Variants in RAB27B observed in about 807,000 individuals in gnomAD.
The protein encoded by RAB27B is RAB27B, member RAS oncogene family, also known as ras-related protein Rab-27B.
RAB27B carries 15 observed loss-of-function variants against 24.6 expected under a neutral mutation model. The ratio of observed to expected loss-of-function variants is 0.61; its 90% CI spans 0.41 to 0.94. The LOEUF (loss-of-function observed/expected upper bound fraction) is 0.94. RAB27B is among the 40% of genes least tolerant of loss of function. RAB27B has a pLI of 0.00. For synonymous variants in RAB27B, 105 were observed against 92.5 expected, an observed-to-expected ratio of 1.14 and a Z score of -0.78; for missense variants, 261 against 266.8, an observed-to-expected ratio of 0.98 and a Z score of 0.15.
chr18:54,800,713 C>G (rs769484548), intron 2 of RAB27B, among the ~76,000 whole-genome samples: 1 of 152,150 alleles, frequency 6.6e-6, no homozygotes, highest in Non-Finnish European at 1.5e-5. Flanking sequence ...AGCCCCAACT[C>G]TAATCTCACC....
At chr18:54,741,830 C>G (rs1240307462) in intron 2 of RAB27B, among the ~76,000 whole-genome samples, 1 of 152,094 alleles carries the variant, frequency 6.6e-6, no homozygotes, top group Non-Finnish European at 1.5e-5. Context: ...AAAAAGTGAC[C>G]TACCTCCTGG....
At chr18:54,720,920 T>C (rs1416276103) in intron 2 of RAB27B, among the ~76,000 whole-genome samples, 1 of 152,140 alleles carries the variant, frequency 6.6e-6, no homozygotes, top group Non-Finnish European at 1.5e-5. Context: ...TTTCCCATTA[T>C]GATTTCCCCT....
intron 2 of RAB27B, among the ~76,000 whole-genome samples, chr18:54,796,577 CTCTT>C (rs1208031687): frequency 6.6e-6 from 1 of 152,198 alleles, no homozygotes; most frequent in African/African-American, 2.4e-5. Context: ...TCCCCCCTCT[CTCTT>C]ACTCTGCTGT....
rs1265574999 is a variant in RAB27B, at chr18:54,888,082, A to G, written c.431A>G (p.Asn144Ser). 6.2e-7 allele frequency: 1 copy of G among 1,613,140 alleles called. No homozygotes were observed. Among genetic ancestry groups the G allele is most frequent in the South Asian group, 1.1e-5 (1 of 90,926 alleles). ...GACCTACCAGATCAGAGGGAAGTCA[A>G]TGAACGGCAAGCTCGGGAACTGGCT... ...KADLPDQREV[N>S]ERQARELADK... Residue 144 changes from asparagine to serine, a missense_variant, in exon 5 of 6, where the codon AAT (asparagine) becomes AGT (serine). By Grantham distance (46) the Asn-to-Ser change is conservative. Transcript: ENST00000262094.
intron 1 of RAB27B, among the ~76,000 whole-genome samples, chr18:54,876,582 A>G (rs1229072162): frequency 1.3e-5 from 2 of 151,904 alleles, no homozygotes; most frequent in Admixed American, 6.6e-5. Context: ...ATTTTGCTCA[A>G]CTCAGGAGTG....
chr18:54,818,166 G>C (rs1910179552), intron 2 of RAB27B, among the ~76,000 whole-genome samples: 1 of 152,040 alleles, frequency 6.6e-6, no homozygotes, highest in Admixed American at 6.6e-5. Flanking sequence ...CAATCCTTTG[G>C]GAAATTTTAG....
intron 2 of RAB27B, chr18:54,745,031 A>G (rs750735115): frequency 1.7e-5 from 3 of 178,896 alleles, no homozygotes; most frequent in African/African-American, 4.8e-5. Context: ...CTACCACTTG[A>G]GTCACTCCTA....
chr18:54,806,299 T>C (rs1037957380), intron 2 of RAB27B, among the ~76,000 whole-genome samples: 1 of 152,036 alleles, frequency 6.6e-6, no homozygotes, highest in African/African-American at 2.4e-5. Context: ...CTTAGGGAGA[T>C]GCAGCCTGGT....
In RAB27B at chr18:54,848,041, TG is replaced by T. The variant is rs373817367; in HGVS notation, c.-20+19343del. On this transcript the variant is annotated intron_variant, in intron 1 of 5. Transcript: ENST00000262094. ...AACGGAAGTGAGGTACAGAAACAAC[TG>T]GATTGGTTACAAGCTCTGTGTTTGC... 1.4e-3 allele frequency among the ~76,000 whole-genome samples: 206 copies of T among 152,276 alleles called. 5 individuals carry two copies. The South Asian group carries it at 0.036, about 27-fold the overall frequency.
At chr18:54,807,190 C>T (rs550662025) in intron 2 of RAB27B, among the ~76,000 whole-genome samples, 12 of 152,300 alleles carry the variant, frequency 7.9e-5, no homozygotes, top group African/African-American at 2.4e-4. Context: ...TGAGCCACCG[C>T]GCCCGGCCTA....
At chr18:54,769,184 T>G (rs546836737) in intron 2 of RAB27B, among the ~76,000 whole-genome samples, 1 of 152,278 alleles carries the variant, frequency 6.6e-6, no homozygotes, top group African/African-American at 2.4e-5. Flanking sequence ...GGTACAGGCC[T>G]TGGATAAATA....
At chr18:54,846,424 C>T (rs1911341640) in intron 1 of RAB27B, among the ~76,000 whole-genome samples, 1 of 152,184 alleles carries the variant, frequency 6.6e-6, no homozygotes, top group Non-Finnish European at 1.5e-5. Flanking sequence ...TGTATAACTC[C>T]TGTGAATAAC....
intron 2 of RAB27B, among the ~76,000 whole-genome samples, chr18:54,805,121 C>G (rs912486326): frequency 6.6e-6 from 1 of 151,860 alleles, no homozygotes; most frequent in Non-Finnish European, 1.5e-5. Context: ...TCCCTAGAGC[C>G]TCAGCGAGTT....
At chr18:54,863,936 T>C (rs921487887) in intron 1 of RAB27B, among the ~76,000 whole-genome samples, 1 of 152,244 alleles carries the variant, frequency 6.6e-6, no homozygotes, top group African/African-American at 2.4e-5. Context: ...GGTTTGTTTA[T>C]AATTTGGGGC....
At position 54,892,213 on chromosome 18, in the gene RAB27B, T is replaced by G. The variant is rs569336972; in HGVS notation, c.*2800T>G. On this transcript the variant is annotated 3_prime_UTR_variant, in exon 6 of 6. Transcript: ENST00000262094. ...ATGTTGAAAATGTACATGAAGCTCC[T>G]TTCTGATATAGAAACCATTTCTGGA... is the stretch of plus-strand genomic sequence containing the variant. The G allele has an allele frequency of 2.6e-5, 4 of 152,216 alleles. No individual in the cohort carries two copies. The highest frequency in any genetic ancestry group is 2.6e-4 in the Admixed American group (4 of 15,242). The allele number at this position is 152,216 out of a possible 1,614,324, so 9.4% of individuals were successfully genotyped here.
chr18:54,728,865 G>A, intron 2 of RAB27B, among the ~76,000 whole-genome samples: 1 of 66,868 alleles, frequency 1.5e-5, no homozygotes, highest in African/African-American at 6.0e-5. Flanking sequence ...GACAGAGTAA[G>A]ACTCTGTCTC....
At chr18:54,825,502 T>G (rs1910443505), upstream of RAB27B, among the ~76,000 whole-genome samples, 1 of 152,210 alleles carries the variant, frequency 6.6e-6, no homozygotes, top group Non-Finnish European at 1.5e-5. Context: ...GAAAATTTTC[T>G]GCAGCTAAAT....
intron 2 of RAB27B, among the ~76,000 whole-genome samples, chr18:54,809,024 C>G (rs1909880794): frequency 1.3e-5 from 2 of 152,180 alleles, no homozygotes; most frequent in Admixed American, 6.6e-5. Flanking sequence ...GCAATTAGTA[C>G]ATGATCAATT....
chr18:54,783,049 C>T (rs1719671828), intron 2 of RAB27B, among the ~76,000 whole-genome samples: 1 of 152,048 alleles, frequency 6.6e-6, no homozygotes, highest in Non-Finnish European at 1.5e-5. Flanking sequence ...CCTCCACTTC[C>T]TGGGTTCAAA....
Sources: allele counts gnomAD v4.1 joint callset (sites outside exome capture counted in the v4.1 genomes callset), GRCh38; gene constraint gnomAD v4.1.1; transcripts MANE v1.5; gene names NCBI Gene and HGNC (gene_info 2026-07-23, HGNC 2026-07-21).